Variants in NEIL3 observed in about 807,000 individuals in gnomAD.
NEIL3 encodes endonuclease 8-like 3.
In NEIL3, 48 loss-of-function variants were observed where a neutral mutation model predicts 57.5. That is an observed-to-expected ratio of 0.83 (90% confidence interval 0.66 to 1.06). The LOEUF (loss-of-function observed/expected upper bound fraction) is 1.06. Among genes scored for constraint, NEIL3 ranks in the 50% least tolerant of loss-of-function variants. NEIL3 has a pLI of 0.00. For synonymous variants in NEIL3, 261 were observed against 253.2 expected, an observed-to-expected ratio of 1.03 and a Z score of -0.29; for missense variants, 717 against 739.1, an observed-to-expected ratio of 0.97 and a Z score of 0.35.
rs570150464 is a variant in NEIL3 at position 177,324,338 on chromosome 4, GC to G, written c.278+1761del. Among the ~76,000 whole-genome samples, 12 of 152,242 alleles carry G rather than the reference GC, an allele frequency of 7.9e-5. No homozygotes were observed. The South Asian group carries it at 2.5e-3, about 32-fold the overall frequency. ...TACCCAACTTTTCACAAGCAAAATTGCCCGCAGAGTTTAGTCATAAAGTGTG... is the reference window on the plus strand; with the variant it reads ...TACCCAACTTTTCACAAGCAAAATTGCCGCAGAGTTTAGTCATAAAGTGTG... On this transcript the variant is annotated intron_variant, in intron 2 of 9. Coordinates refer to ENST00000264596, the MANE Select transcript of NEIL3 (RefSeq NM_018248.3).
chr4:177,366,954 A>T (rs1344479610), downstream of NEIL3, among the ~76,000 whole-genome samples: 1 of 152,126 alleles, frequency 6.6e-6, no homozygotes, highest in Non-Finnish European at 1.5e-5. Flanking sequence ...GTTTTATTTC[A>T]GTTATTATAT....
At chr4:177,362,178 A>T in intron 9 of NEIL3, 111 bp from the exon 10 acceptor site, 1 of 625,708 alleles carries the variant, frequency 1.6e-6, no homozygotes, top group Non-Finnish European at 2.5e-6. Context: ...ATGTCAAATT[A>T]ATGATAACAG....
rs1230862035 is a variant in NEIL3 at position 177,353,601 on chromosome 4, A to G, written c.1333A>G (p.Ser445Gly). The change falls in exon 8 of 10, where the codon AGC (serine) becomes GGC (glycine). Residue 445 changes from serine (S) to glycine (G), a missense_variant. Transcript: ENST00000264596. Reference protein sequence around the residue: ...KTTNDITQPSSKVNISPTISS... With the variant: ...KTTNDITQPSGKVNISPTISS... ...AACAAACGATATAACTCAACCATCC[A>G]GCAAAGTAAACATATCACCTACAAT... 6 of 1,613,720 alleles carry G rather than the reference A, an allele frequency of 3.7e-6. No homozygotes were observed. The Admixed American group carries it at 6.7e-5, about 18-fold the overall frequency.
At chr4:177,348,114 C>A (rs1482767822) in intron 6 of NEIL3, among the ~76,000 whole-genome samples, 7 of 152,208 alleles carry the variant, frequency 4.6e-5, no homozygotes, top group Non-Finnish European at 1.0e-4. Context: ...CAGTGCCTCT[C>A]AAACTTTAGT....
At chr4:177,364,264 A>C (rs1735663308), downstream of NEIL3, among the ~76,000 whole-genome samples, 2 of 152,186 alleles carry the variant, frequency 1.3e-5, no homozygotes, top group African/African-American at 4.8e-5. Context: ...CCCCACAGAT[A>C]ACTCTAGATT....
Position 177,362,377 on chromosome 4 carries a change from A to AT in NEIL3, c.1731dup (p.Val578CysfsTer60), listed in dbSNP as rs1159491955. The AT allele has an allele frequency of 2.5e-6, 4 of 1,613,770 alleles. No homozygotes were observed. The South Asian group carries it at 4.4e-5, about 18-fold the overall frequency. On this transcript the variant is annotated frameshift_variant, in exon 10 of 10. Transcript: ENST00000264596. LOFTEE classifies it high-confidence loss of function. The stretch of plus-strand genomic sequence containing the variant: ...AAGATTGGACCTAACAATGGAAAGA[A>AT]TTTTTTTGTGTGTCCTCTTGGGAAG...
At chr4:177,319,409 G>A (rs919110308) in intron 1 of NEIL3, among the ~76,000 whole-genome samples, 3 of 152,060 alleles carry the variant, frequency 2.0e-5, no homozygotes, top group South Asian at 2.1e-4. Context: ...TTGGCCAATC[G>A]GACATTAGAT....
At chr4:177,317,516 A>G (rs1486010960) in intron 1 of NEIL3, among the ~76,000 whole-genome samples, 1 of 151,980 alleles carries the variant, frequency 6.6e-6, no homozygotes, top group Non-Finnish European at 1.5e-5. Flanking sequence ...GGCGCAGTAA[A>G]CATAAGGTTT....
rs1332294168 is a variant in NEIL3, at chr4:177,336,133, A to C, written c.439A>C (p.Ile147Leu). The change falls in exon 4 of 10, where the codon ATA becomes CTA. Residue 147 changes from isoleucine (I) to leucine (L), a missense_variant. Coordinates refer to ENST00000264596, the MANE Select transcript of NEIL3 (RefSeq NM_018248.3). ...LRNSMESQQR[I>L]RMMKELDVCS... ...AAACTCAATGGAAAGCCAACAGAGAATAAGAATGATGAAAGAATTAGATGT... is the reference window on the plus strand; with the variant it reads ...AAACTCAATGGAAAGCCAACAGAGACTAAGAATGATGAAAGAATTAGATGT... 2 of 1,612,822 alleles carry C rather than the reference A, an allele frequency of 1.2e-6. No individual in the cohort carries two copies. Among genetic ancestry groups the C allele is most frequent in the Middle Eastern group, 1.7e-4 (1 of 6,060 alleles).
chr4:177,370,683 T>C, the NEIL3 span, among the ~76,000 whole-genome samples: 3 of 152,080 alleles, frequency 2.0e-5, no homozygotes, highest in Non-Finnish European at 4.4e-5. Context: ...GGCAGATCAC[T>C]TGAGGTCAGG....
chr4:177,360,576 C>T lies in NEIL3; in HGVS notation c.1534C>T (p.Arg512Cys), dbSNP rs751294884. Residue 512 changes from arginine to cysteine, a missense_variant, in exon 9 of 10, where the codon CGC becomes TGC. Coordinates refer to ENST00000264596, the MANE Select transcript of NEIL3 (RefSeq NM_018248.3). ...CAGCCCTCGCTGCAGTAAACACAAC[C>T]GCCTCTGCATTCTCCGAGTTGTGGG... Reference protein sequence around the residue: ...PDSPRCSKHNRLCILRVVGKD... With the variant: ...PDSPRCSKHNCLCILRVVGKD... The T allele has an allele frequency of 7.4e-6, 12 of 1,613,818 alleles. No homozygotes were observed. Among genetic ancestry groups the T allele is most frequent in the African/African-American group, 5.3e-5 (4 of 74,920 alleles).
the NEIL3 span, among the ~76,000 whole-genome samples, chr4:177,368,749 C>T: frequency 1.3e-5 from 2 of 152,254 alleles, no homozygotes; most frequent in African/African-American, 4.8e-5. Flanking sequence ...CTGGAAAATT[C>T]CTGTATCTAA....
At chr4:177,322,651 G>T in intron 2 of NEIL3, 71 bp downstream of exon 2, 1 of 1,584,928 alleles carries the variant, frequency 6.3e-7, no homozygotes. Flanking sequence ...GATGGAGTTT[G>T]CCGGGTGTCA....
In NEIL3 at chr4:177,335,825, A is replaced by T. The variant is rs746337016; in HGVS notation, c.413+3A>T. On this transcript the variant is annotated splice_donor_region_variant and intron_variant, in intron 3 of 9. Transcript: ENST00000264596. ...TTTGACTCATCAGTAGAACTCAGGT[A>T]AAAAAAATTAAATAAAAGTACTTAC... 1 of 1,504,114 alleles carries T rather than the reference A, an allele frequency of 6.6e-7. No homozygotes were observed. The highest frequency in any genetic ancestry group is 1.3e-5 in the South Asian group (1 of 74,294). 93.2% of individuals were successfully genotyped at this position (1,504,114 alleles called of 1,614,324 possible). A position where few individuals can be genotyped will look rare whatever the true frequency, so the allele number is the denominator to read the frequency against.
At chr4:177,351,240 ACT>A (rs1735344158) in intron 6 of NEIL3, 138 bp from the exon 7 acceptor site, 2 of 261,080 alleles carry the variant, frequency 7.7e-6, no homozygotes, top group African/African-American at 2.6e-5. Flanking sequence ...AAAAAAAAAG[ACT>A]CTAAGATACA....
intron 6 of NEIL3, among the ~76,000 whole-genome samples, chr4:177,345,195 G>C (rs539676943): frequency 2.0e-5 from 3 of 152,294 alleles, no homozygotes; most frequent in African/African-American, 7.2e-5. Context: ...ACCTGGGAAG[G>C]ACAAGGAAGT....
intron 2 of NEIL3, 72 bp from the exon 3 acceptor site, chr4:177,335,615 AT>A (rs1734958953): frequency 1.5e-6 from 2 of 1,360,678 alleles, no homozygotes; most frequent in East Asian, 2.3e-5. Context: ...CAAAAAAAAA[AT>A]GATAGTACAG....
intron 1 of NEIL3, among the ~76,000 whole-genome samples, chr4:177,319,964 T>C (rs899675639): frequency 6.6e-6 from 1 of 152,184 alleles, no homozygotes; most frequent in Non-Finnish European, 1.5e-5. Context: ...CATTGACTTA[T>C]AAATGTGGGT....
chr4:177,341,631 T>C lies in NEIL3; in HGVS notation c.858T>C (p.His286=). ...ACTGTCAAAAAGAAAATCCTCAACA[T>C]GTTGACATATGGTAAGATATTGAAT... ...CPHCQKENPQ[H]VDICKLPTRN... is the part of the protein sequence containing the mutation. Residue 286 remains histidine, a synonymous_variant, in exon 6 of 10, where the codon CAT becomes CAC. Transcript: ENST00000264596. 2 of 1,612,792 alleles carry C rather than the reference T, an allele frequency of 1.2e-6. No individual in the cohort carries two copies. Among genetic ancestry groups the C allele is most frequent in the Non-Finnish European group, 8.5e-7 (1 of 1,179,422 alleles).
Sources: gnomAD v4.1 joint callset for allele counts (sites outside exome capture counted in the v4.1 genomes callset) on GRCh38, gnomAD v4.1.1 for gene constraint, MANE v1.5 for transcripts, NCBI Gene and HGNC (gene_info 2026-07-23, HGNC 2026-07-21) for gene names.